The following TAFA2 variants were observed in gnomAD, a reference collection of about 807,000 sequenced individuals.
The protein encoded by TAFA2 is TAFA chemokine like family member 2.
A neutral mutation model predicts 18.8 loss-of-function variants in TAFA2; 7 were observed. That is an observed-to-expected ratio of 0.37 (90% CI 0.21 to 0.70). TAFA2 has a LOEUF of 0.70. Among genes scored for constraint, TAFA2 ranks in the 30% least tolerant of loss-of-function variants. The pLI, the probability that TAFA2 is intolerant of heterozygous loss-of-function variation, is 0.53. For synonymous variants in TAFA2, 60 were observed against 54.2 expected (o/e 1.11, Z -0.47); for missense variants, 122 against 158.1 (o/e 0.77, Z 1.23).
intron 1 of TAFA2, among the ~76,000 whole-genome samples, chr12:62,214,941 T>C (rs1490270508): frequency 6.6e-6 from 1 of 152,184 alleles, no homozygotes; most frequent in East Asian, 1.9e-4. Context: ...CTAGAGATAC[T>C]ATCTTTAAAG....
intron 1 of TAFA2, among the ~76,000 whole-genome samples, chr12:61,921,423 T>C (rs1877048472): frequency 6.6e-6 from 1 of 152,188 alleles, no homozygotes; most frequent in African/African-American, 2.4e-5. Flanking sequence ...AAATAGAAGA[T>C]TCAAGGAGGA....
At chr12:62,087,591 C>A (rs1868508695) in intron 1 of TAFA2, among the ~76,000 whole-genome samples, 1 of 152,026 alleles carries the variant, frequency 6.6e-6, no homozygotes, top group Non-Finnish European at 1.5e-5. Context: ...AAAAGGCACA[C>A]TAGAGTGGAT....
chr12:61,736,039 G>A (rs1565755942), intron 4 of TAFA2, among the ~76,000 whole-genome samples: 1 of 151,978 alleles, frequency 6.6e-6, no homozygotes, highest in African/African-American at 2.4e-5. Context: ...CTCCTGGGGT[G>A]TAGCACTTTG....
intron 4 of TAFA2, chr12:61,720,983 AC>A: frequency 2.0e-6 from 1 of 509,566 alleles, no homozygotes. Flanking sequence ...CAGAAAGCAA[AC>A]CTGGGAGAAA....
At chr12:61,837,444 AT>A (rs1872980530) in intron 2 of TAFA2, among the ~76,000 whole-genome samples, 1 of 152,058 alleles carries the variant, frequency 6.6e-6, no homozygotes, top group African/African-American at 2.4e-5. Flanking sequence ...TAACTATCTT[AT>A]TGGCAGTATT....
At chr12:62,136,865 A>C (rs1870916487) in intron 1 of TAFA2, among the ~76,000 whole-genome samples, 1 of 152,140 alleles carries the variant, frequency 6.6e-6, no homozygotes, top group South Asian at 2.1e-4. Flanking sequence ...CCCCTTTGAA[A>C]AATGTCATAA....
At chr12:62,046,323 A>G (rs1881907284) in intron 1 of TAFA2, among the ~76,000 whole-genome samples, 1 of 152,118 alleles carries the variant, frequency 6.6e-6, no homozygotes, top group Non-Finnish European at 1.5e-5. Context: ...TCAGAAACAA[A>G]GATTAAAGGA....
chr12:62,177,681 T>C (rs2062522875), intron 1 of TAFA2, among the ~76,000 whole-genome samples: 1 of 152,132 alleles, frequency 6.6e-6, no homozygotes, highest in Non-Finnish European at 1.5e-5. Flanking sequence ...CCAATTATCT[T>C]CATCTAGGTG....
rs1221744521 is a variant in TAFA2, at chr12:62,104,841, G to A, written c.-2+86418C>T. The stretch of plus-strand genomic sequence containing the variant: ...ATGACAAGGTGATTTTGAGGCTCAA[G>A]TTTGGCTCCTACGTCTCACAGAAAC... On this transcript the variant is annotated intron_variant, in intron 1 of 4. Transcript: ENST00000416284. 1.1e-5 allele frequency: 4 copies of A among 349,154 alleles called. 1 individual carries two copies. Among genetic ancestry groups the A allele is most frequent in the Admixed American group, 3.5e-5 (1 of 28,446 alleles). 21.6% of individuals were successfully genotyped at this position (349,154 alleles called of 1,614,324 possible).
chr12:61,808,217 A>T (rs560133267), intron 2 of TAFA2, among the ~76,000 whole-genome samples: 1 of 151,488 alleles, frequency 6.6e-6, no homozygotes, highest in African/African-American at 2.5e-5. Flanking sequence ...AATGAGTCTC[A>T]TGAGATCTGA....
intron 1 of TAFA2, among the ~76,000 whole-genome samples, chr12:61,997,626 A>G (rs1439656635): frequency 6.6e-6 from 1 of 152,178 alleles, no homozygotes; most frequent in Admixed American, 6.5e-5. Flanking sequence ...TATATGACAA[A>G]TTCACTGTGG....
intron 1 of TAFA2, among the ~76,000 whole-genome samples, chr12:62,251,627 T>C (rs2062914216): frequency 6.6e-6 from 1 of 152,140 alleles, no homozygotes; most frequent in African/African-American, 2.4e-5. Flanking sequence ...CAAACAAGAT[T>C]GAGCAGAGAA....
Position 61,755,176 on chromosome 12 carries a change from G to T in TAFA2, c.107-152C>A, listed in dbSNP as rs1418756294. The stretch of plus-strand genomic sequence containing the variant: ...ACAATGATGCTAACTCCATAATGCA[G>T]ATTTGATTTCTTTTCTAAATGTGGT... On this transcript the variant is annotated intron_variant, in intron 2 of 4. Coordinates refer to ENST00000416284, the MANE Select transcript of TAFA2 (RefSeq NM_178539.5). The T allele has an allele frequency of 9.2e-6, 6 of 652,814 alleles. No homozygotes were observed. In the Admixed American group the frequency reaches 9.2e-5, roughly 10 times the overall value. 40.4% of individuals were successfully genotyped at this position (652,814 alleles called of 1,614,324 possible). A position where few individuals can be genotyped will look rare whatever the true frequency, so the allele number is the denominator to read the frequency against.
chr12:62,171,840 C>CA (rs2062480152), intron 1 of TAFA2, among the ~76,000 whole-genome samples: 1 of 152,174 alleles, frequency 6.6e-6, no homozygotes. Flanking sequence ...AAAAATTTCA[C>CA]AGAGTACTTT....
At chr12:62,097,605 A>G (rs941578477) in intron 1 of TAFA2, among the ~76,000 whole-genome samples, 4 of 152,182 alleles carry the variant, frequency 2.6e-5, no homozygotes, top group Non-Finnish European at 4.4e-5. Context: ...TATATTTTAA[A>G]TGGCTGTCTT....
At chr12:61,775,038 T>C (rs1337375036) in intron 2 of TAFA2, among the ~76,000 whole-genome samples, 1 of 151,618 alleles carries the variant, frequency 6.6e-6, no homozygotes, top group Admixed American at 6.6e-5. Context: ...CGAGAAAATA[T>C]ATGTAGGTGG....
At chr12:61,866,562 G>A (rs1347780546) in intron 2 of TAFA2, among the ~76,000 whole-genome samples, 1 of 152,112 alleles carries the variant, frequency 6.6e-6, no homozygotes, top group Non-Finnish European at 1.5e-5. Flanking sequence ...TAGCCCCATG[G>A]AAAAAGTAGT....
intron 4 of TAFA2, among the ~76,000 whole-genome samples, chr12:61,739,496 G>A (rs1868364440): frequency 6.6e-6 from 1 of 152,180 alleles, no homozygotes; most frequent in East Asian, 1.9e-4. Context: ...TTTGTTTCAT[G>A]TTATGAATAT....
intron 1 of TAFA2, among the ~76,000 whole-genome samples, chr12:62,116,400 G>A (rs1869964126): frequency 6.6e-6 from 1 of 152,148 alleles, no homozygotes; most frequent in African/African-American, 2.4e-5. Context: ...AACGACAGAT[G>A]CTTCTAATTA....
Sources: allele counts gnomAD v4.1 joint callset (sites outside exome capture counted in the v4.1 genomes callset), GRCh38; gene constraint gnomAD v4.1.1; transcripts MANE v1.5; gene names NCBI Gene and HGNC (gene_info 2026-07-23, HGNC 2026-07-21).